Variants in ALK observed in about 807,000 individuals in gnomAD.
The protein encoded by ALK is ALK tyrosine kinase receptor.
Under a neutral mutation model 163.1 loss-of-function variants are expected in ALK, and 74 were observed. The ratio of observed to expected loss-of-function variants is 0.45; its 90% confidence interval spans 0.38 to 0.55. ALK has a LOEUF of 0.55. Ranked by LOEUF, ALK falls within the 20% of genes least tolerant of loss-of-function variation. The probability of loss-of-function intolerance (pLI) is 0.00; values close to 1 mark genes in which losing one functional copy is unlikely to be tolerated. For synonymous variants in ALK, 960 were observed against 843.2 expected, an observed-to-expected ratio of 1.14 and a Z score of -2.40; for missense variants, 2,063 against 2,105.3, an observed-to-expected ratio of 0.98 and a Z score of 0.39.
chr2:29,876,130 T>C (rs940049547), intron 1 of ALK, among the ~76,000 whole-genome samples: 1 of 152,258 alleles, frequency 6.6e-6, no homozygotes, highest in Non-Finnish European at 1.5e-5. Flanking sequence ...GGCAGCTTAC[T>C]TTATGTTTCT....
intron 1 of ALK, among the ~76,000 whole-genome samples, chr2:29,834,495 T>C (rs929579870): frequency 6.6e-6 from 1 of 152,206 alleles, no homozygotes; most frequent in Admixed American, 6.5e-5. Context: ...GGAAAGTAAG[T>C]AGGGTGGGAG....
chr2:29,651,994 T>C lies in ALK; in HGVS notation c.952+42856A>G, dbSNP rs142875914. Among the ~76,000 whole-genome samples the C allele has an allele frequency of 2.2e-3, 330 of 152,154 alleles. 1 individual carries two copies. The highest frequency in any genetic ancestry group is 7.8e-3 in the African/African-American group (323 of 41,514). On this transcript the variant is annotated intron_variant, in intron 3 of 28. Transcript: ENST00000389048. The stretch of plus-strand genomic sequence containing the variant: ...GCATCAATCAAGATAATTTACAGAG[T>C]GTTCTGCTCAGTTCTGGGAATTTTT...
chr2:29,580,841 G>A (rs548121851), intron 3 of ALK, among the ~76,000 whole-genome samples: 1 of 152,276 alleles, frequency 6.6e-6, no homozygotes, highest in Non-Finnish European at 1.5e-5. Flanking sequence ...GTTCAGCAGT[G>A]GTCAGCTCTA....
intron 5 of ALK, among the ~76,000 whole-genome samples, chr2:29,336,882 T>C (rs1250573514): frequency 2.6e-5 from 4 of 152,124 alleles, no homozygotes; most frequent in Non-Finnish European, 5.9e-5. Context: ...AGGAGGAAAT[T>C]TGAGTGCTGC....
intron 5 of ALK, among the ~76,000 whole-genome samples, chr2:29,373,523 T>C (rs1398796843): frequency 6.6e-6 from 1 of 152,270 alleles, no homozygotes; most frequent in African/African-American, 2.4e-5. Flanking sequence ...TTTATTTATA[T>C]TTAAAAACCT....
chr2:29,356,453 AT>A (rs1668247534), intron 5 of ALK, among the ~76,000 whole-genome samples: 1 of 96,718 alleles, frequency 1.0e-5, no homozygotes, highest in Non-Finnish European at 2.1e-5. Context: ...TCCACATCAG[AT>A]TTAATTTGGA....
At chr2:29,818,386 T>A (rs577070934) in intron 1 of ALK, among the ~76,000 whole-genome samples, 15 of 152,246 alleles carry the variant, frequency 9.9e-5, no homozygotes, top group Non-Finnish European at 2.2e-4. Context: ...TTCATTTTAA[T>A]CACGCTCTCT....
chr2:29,253,742 A>G (rs1253021174), intron 11 of ALK, among the ~76,000 whole-genome samples: 1 of 152,152 alleles, frequency 6.6e-6, no homozygotes, highest in Non-Finnish European at 1.5e-5. Flanking sequence ...CCTTACAGCA[A>G]GCAGCCTGGG....
intron 5 of ALK, among the ~76,000 whole-genome samples, chr2:29,377,293 G>A (rs1050737158): frequency 6.6e-6 from 1 of 152,076 alleles, no homozygotes; most frequent in Non-Finnish European, 1.5e-5. Flanking sequence ...TGACCAACAT[G>A]GTGAAACCCC....
chr2:29,203,409 AT>A (rs979778806), intron 26 of ALK, among the ~76,000 whole-genome samples: 1 of 97,928 alleles, frequency 1.0e-5, no homozygotes, highest in African/African-American at 4.9e-5. Context: ...TATCTCTATT[AT>A]TTTTTACTAT....
At chr2:29,392,820 A>G (rs1381924769) in intron 4 of ALK, among the ~76,000 whole-genome samples, 1 of 152,208 alleles carries the variant, frequency 6.6e-6, no homozygotes, top group Non-Finnish European at 1.5e-5. Context: ...CAAGCTCTAC[A>G]TTTTACATGC....
chr2:29,410,281 G>C (rs950907765), intron 4 of ALK, among the ~76,000 whole-genome samples: 4 of 152,148 alleles, frequency 2.6e-5, no homozygotes, highest in Non-Finnish European at 5.9e-5. Flanking sequence ...TATGTGATTT[G>C]CCTCCTTTGG....
intron 1 of ALK, among the ~76,000 whole-genome samples, chr2:29,804,701 A>G (rs1224674764): frequency 6.6e-6 from 1 of 152,274 alleles, no homozygotes; most frequent in East Asian, 1.9e-4. Context: ...TCCAAGTTGG[A>G]AAGTATGCCC....
In ALK at chr2:29,374,192, G is replaced by A. The variant is rs150488481; in HGVS notation, c.1282+9540C>T. On this transcript the variant is annotated intron_variant, in intron 5 of 28. Coordinates refer to ENST00000389048, the MANE Select transcript of ALK (RefSeq NM_004304.5). ...GATGCCAGAGAGAGGATGAGAATAC[G>A]TATTGTGCCAAGCATTGTGCTAGGA... 6.6e-3 allele frequency among the ~76,000 whole-genome samples: 1,004 copies of A among 152,268 alleles called. 12 individuals are homozygous for A. The highest frequency in any genetic ancestry group is 0.022 in the African/African-American group (913 of 41,544).
chr2:29,218,549 TGAGAGAGGGAGAGAGAAAGGGGGAGGG>T (rs1050765757), intron 23 of ALK, among the ~76,000 whole-genome samples: 22 of 152,228 alleles, frequency 1.4e-4, no homozygotes, highest in Non-Finnish European at 2.5e-4. Context: ...CCTTTGTCTT[TGAGAGAGGGAGAGAGAAAGGGGGAGGG>T]GAGAGAGGGA....
intron 4 of ALK, among the ~76,000 whole-genome samples, chr2:29,420,126 C>A (rs574398931): frequency 5.0e-5 from 7 of 141,194 alleles, no homozygotes; most frequent in African/African-American, 1.9e-4. Context: ...CACTGCACTC[C>A]AGCCTGGGTG....
rs1483870749 is a variant in ALK at position 29,360,456 on chromosome 2, A to G, written c.1282+23276T>C. On this transcript the variant is annotated intron_variant, in intron 5 of 28. Coordinates refer to ENST00000389048, the MANE Select transcript of ALK (RefSeq NM_004304.5). ...GAGACAGGAAGTGCAGAGATAGCAC[A>G]TTGCCCAGAGCTCCTGACACAAGGC... 3.3e-5 allele frequency among the ~76,000 whole-genome samples: 5 copies of G among 152,298 alleles called. No homozygotes were observed. The East Asian group carries it at 7.7e-4, about 24-fold the overall frequency.
At chr2:29,772,814 C>G (rs1489345188) in intron 1 of ALK, among the ~76,000 whole-genome samples, 2 of 152,174 alleles carry the variant, frequency 1.3e-5, no homozygotes, top group African/African-American at 4.8e-5. Flanking sequence ...AATCTCAGTT[C>G]TTCAAGTGCC....
chr2:29,693,002 G>C (rs540707542), intron 3 of ALK, among the ~76,000 whole-genome samples: 2 of 152,312 alleles, frequency 1.3e-5, no homozygotes, highest in Non-Finnish European at 2.9e-5. Context: ...TGCAAACCTA[G>C]TCAATATGTT....
Sources: allele counts gnomAD v4.1 joint callset (sites outside exome capture counted in the v4.1 genomes callset), GRCh38; gene constraint gnomAD v4.1.1; transcripts MANE v1.5; gene names NCBI Gene and HGNC (gene_info 2026-07-23, HGNC 2026-07-21).